The following PTPRD variants were observed in gnomAD, a reference collection of about 807,000 sequenced individuals.
PTPRD encodes the protein receptor-type tyrosine-protein phosphatase delta.
In PTPRD, 34 loss-of-function variants were observed where a neutral mutation model predicts 214.5. The observed-to-expected ratio is 0.16, with a 90% CI of 0.12 to 0.21. The LOEUF is 0.21. PTPRD is among the 10% of genes least tolerant of loss of function. The pLI, the probability that PTPRD is intolerant of heterozygous loss-of-function variation, is 1.00. For missense variants in PTPRD, 2,545 were observed against 2,398.7 expected (o/e 1.06, Z -1.27); for synonymous variants, 1,128 against 845.7 (o/e 1.33, Z -5.79).
chr9:10,216,005 A>G (rs577245982), intron 3 of PTPRD, among the ~76,000 whole-genome samples: 38 of 152,128 alleles, frequency 2.5e-4, no homozygotes, highest in African/African-American at 7.9e-4. Context: ...ACTTTTTCTA[A>G]GGAAAAGTGA....
At chr9:8,499,007 T>G (rs923579070) in intron 25 of PTPRD, among the ~76,000 whole-genome samples, 7 of 151,958 alleles carry the variant, frequency 4.6e-5, no homozygotes, top group African/African-American at 1.7e-4. Context: ...TCTCACATAC[T>G]CAACTACTCA....
At chr9:9,128,470 C>T (rs117236459) in intron 10 of PTPRD, among the ~76,000 whole-genome samples, 11 of 152,270 alleles carry the variant, frequency 7.2e-5, no homozygotes, top group East Asian at 1.9e-4. Flanking sequence ...CAATTATACA[C>T]GTATGCATAA....
At chr9:10,284,648 G>T (rs1489954397) in intron 3 of PTPRD, among the ~76,000 whole-genome samples, 1 of 152,112 alleles carries the variant, frequency 6.6e-6, no homozygotes, top group Non-Finnish European at 1.5e-5. Context: ...TTCTCAAAAG[G>T]CTTCAACCAA....
At chr9:10,177,439 T>C (rs1176325989) in intron 3 of PTPRD, among the ~76,000 whole-genome samples, 1 of 135,318 alleles carries the variant, frequency 7.4e-6, no homozygotes. Flanking sequence ...GGAAAGTTGT[T>C]AAAATGTTGT....
intron 27 of PTPRD, among the ~76,000 whole-genome samples, chr9:8,488,272 A>G (rs2097075668): frequency 6.6e-6 from 1 of 152,346 alleles, no homozygotes; most frequent in African/African-American, 2.4e-5. Flanking sequence ...TCATTAAGAT[A>G]TTTATTTCCT....
intron 2 of PTPRD, among the ~76,000 whole-genome samples, chr9:10,401,069 A>G (rs970320895): frequency 6.6e-6 from 1 of 151,720 alleles, no homozygotes; most frequent in Non-Finnish European, 1.5e-5. Context: ...GATATTAAAT[A>G]TAAAATGCTT....
chr9:9,878,036 C>G (rs1324980497), intron 5 of PTPRD, among the ~76,000 whole-genome samples: 4 of 150,968 alleles, frequency 2.6e-5, no homozygotes, highest in Admixed American at 6.6e-5. Flanking sequence ...GGTTGCCCCT[C>G]TAAAATTCAA....
chr9:10,420,655 A>C (rs149493970), intron 2 of PTPRD, among the ~76,000 whole-genome samples: 38 of 152,038 alleles, frequency 2.5e-4, no homozygotes, highest in African/African-American at 8.7e-4. Flanking sequence ...CGAATTCTCA[A>C]CTGAACTCCT....
At chr9:9,388,312 T>C (rs750784958) in intron 9 of PTPRD, among the ~76,000 whole-genome samples, 40 of 152,214 alleles carry the variant, frequency 2.6e-4, no homozygotes, top group Middle Eastern at 3.4e-3. Context: ...GAAGTGCCTG[T>C]CCTCAACTAG....
intron 39 of PTPRD, among the ~76,000 whole-genome samples, chr9:8,357,812 T>C (rs1176721021): frequency 1.3e-5 from 2 of 152,128 alleles, no homozygotes; most frequent in Admixed American, 6.6e-5. Flanking sequence ...ATACTAGGCA[T>C]AATGCTAATT....
At chr9:8,974,462 T>C (rs553378118) in intron 11 of PTPRD, among the ~76,000 whole-genome samples, 32 of 152,154 alleles carry the variant, frequency 2.1e-4, no homozygotes, top group African/African-American at 7.0e-4. Flanking sequence ...CTTTGTTACA[T>C]AGGTATACAT....
intron 2 of PTPRD, among the ~76,000 whole-genome samples, chr9:10,604,324 C>T (rs2078751588): frequency 6.6e-6 from 1 of 151,784 alleles, no homozygotes; most frequent in Admixed American, 6.6e-5. Context: ...GAATATCTCT[C>T]AGAATGCACT....
intron 11 of PTPRD, among the ~76,000 whole-genome samples, chr9:8,768,296 A>G (rs2094920234): frequency 6.6e-6 from 1 of 152,186 alleles, no homozygotes; most frequent in Non-Finnish European, 1.5e-5. Context: ...CCTGCCTGTA[A>G]TCCCAACACT....
chr9:10,085,741 A>G (rs2098326744), intron 3 of PTPRD, among the ~76,000 whole-genome samples: 1 of 151,826 alleles, frequency 6.6e-6, no homozygotes, highest in South Asian at 2.1e-4. Context: ...TTGCTTAGCA[A>G]CAACTCCCCA....
At chr9:9,772,181 A>G (rs1251630590) in intron 5 of PTPRD, among the ~76,000 whole-genome samples, 1 of 152,140 alleles carries the variant, frequency 6.6e-6, no homozygotes, top group African/African-American at 2.4e-5. Context: ...GCTAGAACAC[A>G]GCGAGAGATA....
At chr9:10,359,493 T>C (rs1186057331) in intron 2 of PTPRD, among the ~76,000 whole-genome samples, 1 of 152,066 alleles carries the variant, frequency 6.6e-6, no homozygotes, top group Non-Finnish European at 1.5e-5. Flanking sequence ...CTTTTAAATC[T>C]CAAAAAATGC....
At position 9,572,080 on chromosome 9, in the gene PTPRD, T is replaced by A. The variant is rs373542624; in HGVS notation, c.-237+2652A>T. 2.6e-5 allele frequency among the ~76,000 whole-genome samples: 4 copies of A among 151,070 alleles called. No individual in the cohort carries two copies. The South Asian group carries it at 6.2e-4, about 24-fold the overall frequency. ...AAAAACCCTAATAAACAGAAATAAA[T>A]CAAAATTAAGAACTTCTGTTCATCA... On this transcript the variant is annotated intron_variant, in intron 8 of 45. Coordinates refer to ENST00000381196, the MANE Select transcript of PTPRD (RefSeq NM_002839.4).
intron 11 of PTPRD, among the ~76,000 whole-genome samples, chr9:8,765,974 T>C (rs1394592619): frequency 2.0e-5 from 3 of 152,060 alleles, no homozygotes; most frequent in Non-Finnish European, 4.4e-5. Context: ...TCTAAAGCTA[T>C]AAACAGGTAG....
intron 7 of PTPRD, among the ~76,000 whole-genome samples, chr9:9,700,045 C>T (rs1166562346): frequency 6.6e-6 from 1 of 152,108 alleles, no homozygotes; most frequent in Non-Finnish European, 1.5e-5. Flanking sequence ...AAATGACATT[C>T]AGAATGTGAA....
Sources: allele counts gnomAD v4.1 joint callset (sites outside exome capture counted in the v4.1 genomes callset), GRCh38; gene constraint gnomAD v4.1.1; transcripts MANE v1.5; gene names NCBI Gene and HGNC (gene_info 2026-07-23, HGNC 2026-07-21).